The following MAGI2 variants were observed in gnomAD, a reference collection of about 807,000 sequenced individuals.
The protein encoded by MAGI2 is membrane associated guanylate kinase, WW and PDZ domain containing 2.
Under a neutral mutation model 133.3 loss-of-function variants are expected in MAGI2, and 35 were observed. That is an observed-to-expected ratio of 0.26 (90% CI 0.20 to 0.35). The LOEUF (loss-of-function observed/expected upper bound fraction) is 0.35, where lower values mean the gene tolerates loss of function less well. Ranked by LOEUF, MAGI2 falls within the 10% of genes least tolerant of loss-of-function variation. The pLI, the probability that MAGI2 is intolerant of heterozygous loss-of-function variation, is 1.00. For missense variants in MAGI2, 1,636 were observed against 1,863.4 expected, an observed-to-expected ratio of 0.88 and a Z score of 2.25; for synonymous variants, 729 against 710.6, an observed-to-expected ratio of 1.03 and a Z score of -0.41.
At chr7:79,426,611 G>A (rs905501857) in intron 1 of MAGI2, among the ~76,000 whole-genome samples, 1 of 152,098 alleles carries the variant, frequency 6.6e-6, no homozygotes, top group African/African-American at 2.4e-5. Context: ...TATATAACTA[G>A]AATCATCAAA....
chr7:78,910,630 A>C (rs73375222), intron 2 of MAGI2, among the ~76,000 whole-genome samples: 1 of 152,250 alleles, frequency 6.6e-6, no homozygotes, highest in African/African-American at 2.4e-5. Flanking sequence ...GCAAGGTTTC[A>C]AGTACAACAC....
intron 2 of MAGI2, among the ~76,000 whole-genome samples, chr7:78,717,170 C>T (rs954210616): frequency 6.6e-6 from 1 of 152,160 alleles, no homozygotes; most frequent in African/African-American, 2.4e-5. Context: ...TGGTGCTCCC[C>T]CTCCGCAGGT....
intron 21 of MAGI2, among the ~76,000 whole-genome samples, chr7:78,049,899 T>C (rs555287344): frequency 6.6e-6 from 1 of 152,344 alleles, no homozygotes. Flanking sequence ...TGAACACCGA[T>C]GAACTTCAGA....
At chr7:78,648,874 A>G (rs905549629) in intron 2 of MAGI2, among the ~76,000 whole-genome samples, 1 of 151,978 alleles carries the variant, frequency 6.6e-6, no homozygotes, top group African/African-American at 2.4e-5. Flanking sequence ...TATAGTTTTA[A>G]CTCTGCTGAT....
chr7:78,413,724 G>A lies in MAGI2; in HGVS notation c.1046-44511C>T, dbSNP rs113170165. On this transcript the variant is annotated intron_variant, in intron 6 of 21. Transcript: ENST00000354212. ...AGGAAAAACCAGAAGAGAATGTGCC[G>A]GGAGGCTCTTGGGCAATGGTATTGG... 1.0e-3 allele frequency among the ~76,000 whole-genome samples: 156 copies of A among 152,054 alleles called. 3 individuals are homozygous for A. Among genetic ancestry groups the A allele is most frequent in the African/African-American group, 3.4e-3 (143 of 41,494 alleles).
At chr7:78,765,145 C>A (rs1449788335) in intron 2 of MAGI2, among the ~76,000 whole-genome samples, 1 of 152,110 alleles carries the variant, frequency 6.6e-6, no homozygotes. Flanking sequence ...TGATTTCTTA[C>A]ATGGAAAATC....
At chr7:78,690,893 A>G (rs1415267561) in intron 2 of MAGI2, among the ~76,000 whole-genome samples, 1 of 152,192 alleles carries the variant, frequency 6.6e-6, no homozygotes, top group East Asian at 1.9e-4. Flanking sequence ...CCCGATCTTA[A>G]ATCCTGTGGG....
chr7:78,877,324 T>C (rs1432762097), intron 2 of MAGI2, among the ~76,000 whole-genome samples: 1 of 152,236 alleles, frequency 6.6e-6, no homozygotes, highest in Non-Finnish European at 1.5e-5. Context: ...GGTTACTAAT[T>C]GGAAGTCTAC....
At chr7:79,129,801 G>T (rs931046519) in intron 1 of MAGI2, among the ~76,000 whole-genome samples, 13 of 152,150 alleles carry the variant, frequency 8.5e-5, no homozygotes, top group African/African-American at 3.1e-4. Flanking sequence ...TCATAATAAT[G>T]AAAGAGGTTT....
intron 3 of MAGI2, among the ~76,000 whole-genome samples, chr7:78,546,266 A>G (rs1798825569): frequency 6.6e-6 from 1 of 152,188 alleles, no homozygotes; most frequent in Non-Finnish European, 1.5e-5. Flanking sequence ...TTGTACTGCT[A>G]CTACTTCTAG....
intron 1 of MAGI2, among the ~76,000 whole-genome samples, chr7:79,338,845 CG>C (rs1563130590): frequency 6.6e-6 from 1 of 152,086 alleles, no homozygotes. Flanking sequence ...TGTCAACCTA[CG>C]GGGGGTACTC....
intron 2 of MAGI2, among the ~76,000 whole-genome samples, chr7:78,885,549 G>T (rs1418323608): frequency 1.3e-5 from 2 of 151,956 alleles, no homozygotes; most frequent in Non-Finnish European, 2.9e-5. Flanking sequence ...TTTACAAAGA[G>T]CACAGGCCAA....
In MAGI2 at chr7:78,832,695, G is replaced by A. The variant is rs10252891; in HGVS notation, c.418+174395C>T. Among the ~76,000 whole-genome samples the A allele has an allele frequency of 7.9e-3, 1,199 of 152,248 alleles. 19 individuals carry two copies. The highest frequency in any genetic ancestry group is 0.027 in the African/African-American group (1,126 of 41,532). Reference sequence around the variant, plus strand: ...AGGAGACCCCTGAAACTATTGCTACGGAATAAAAGATGAAATGCTCCTGAT... The same window carrying A: ...AGGAGACCCCTGAAACTATTGCTACAGAATAAAAGATGAAATGCTCCTGAT... On this transcript the variant is annotated intron_variant, in intron 2 of 21. Transcript: ENST00000354212.
rs1250866057 is a variant in MAGI2, at chr7:78,540,302, T to C, written c.539-18657A>G. Reference sequence around the variant, plus strand: ...TGTGGTTCTCAGGCCAATGGAGTTTTCCTCCCAGGCGGATTATGGCTGCCT... The same window carrying C: ...TGTGGTTCTCAGGCCAATGGAGTTTCCCTCCCAGGCGGATTATGGCTGCCT... On this transcript the variant is annotated intron_variant, in intron 3 of 21. Coordinates refer to ENST00000354212, the MANE Select transcript of MAGI2 (RefSeq NM_012301.4). Among the ~76,000 whole-genome samples the C allele has an allele frequency of 3.3e-5, 5 of 152,244 alleles. No individual in the cohort carries two copies. The East Asian group carries it at 9.7e-4, about 29-fold the overall frequency.
At chr7:78,862,309 C>T (rs1272795741) in intron 2 of MAGI2, among the ~76,000 whole-genome samples, 3 of 152,152 alleles carry the variant, frequency 2.0e-5, no homozygotes, top group Non-Finnish European at 4.4e-5. Context: ...ACAATGTGGA[C>T]TTTAGGTCTC....
At chr7:78,539,118 A>G (rs563361576) in intron 3 of MAGI2, among the ~76,000 whole-genome samples, 2 of 152,306 alleles carry the variant, frequency 1.3e-5, no homozygotes, top group African/African-American at 4.8e-5. Context: ...AATGCTTTCA[A>G]CTTTCTCCAT....
intron 1 of MAGI2, among the ~76,000 whole-genome samples, chr7:79,012,591 C>T (rs1225695500): frequency 1.3e-5 from 2 of 152,038 alleles, no homozygotes; most frequent in African/African-American, 2.4e-5. Context: ...GGCCATGAAA[C>T]GTATGCTAAA....
intron 2 of MAGI2, among the ~76,000 whole-genome samples, chr7:78,990,741 A>G (rs1805676954): frequency 6.6e-6 from 1 of 152,088 alleles, no homozygotes; most frequent in South Asian, 2.1e-4. Context: ...ATAAAAGCAT[A>G]TATTTGAAGA....
At chr7:78,505,837 C>G (rs1274073063) in intron 4 of MAGI2, among the ~76,000 whole-genome samples, 1 of 152,024 alleles carries the variant, frequency 6.6e-6, no homozygotes, top group East Asian at 1.9e-4. Context: ...GGGAAAACCT[C>G]TTTTTCAATG....
Sources: gnomAD v4.1 joint callset for allele counts (sites outside exome capture counted in the v4.1 genomes callset) on GRCh38, gnomAD v4.1.1 for gene constraint, MANE v1.5 for transcripts, NCBI Gene and HGNC (gene_info 2026-07-23, HGNC 2026-07-21) for gene names.